Variants in RCOR1 observed in about 807,000 individuals in gnomAD.
RCOR1 encodes REST corepressor 1.
A neutral mutation model predicts 64.0 loss-of-function variants in RCOR1; 12 were observed. That is an observed-to-expected ratio of 0.19 (90% CI 0.12 to 0.30). The LOEUF (loss-of-function observed/expected upper bound fraction) is 0.30. RCOR1 is among the 10% of genes least tolerant of loss of function. RCOR1 has a pLI of 1.00. For missense variants in RCOR1, 502 were observed against 621.2 expected, an observed-to-expected ratio of 0.81 and a Z score of 2.04; for synonymous variants, 279 against 227.2, an observed-to-expected ratio of 1.23 and a Z score of -2.05.
chr14:102,598,745 G>A (rs1304066732), intron 2 of RCOR1, among the ~76,000 whole-genome samples: 1 of 152,130 alleles, frequency 6.6e-6, no homozygotes, highest in African/African-American at 2.4e-5. Context: ...GCCACGCCTG[G>A]CCCTGATTCA....
intron 2 of RCOR1, among the ~76,000 whole-genome samples, chr14:102,678,938 A>C (rs1238518657): frequency 6.6e-6 from 1 of 152,160 alleles, no homozygotes; most frequent in Non-Finnish European, 1.5e-5. Context: ...TGGCGAAGTG[A>C]CTGTTCAAAT....
chr14:102,681,277 T>C (rs577500824), intron 2 of RCOR1, among the ~76,000 whole-genome samples: 1 of 152,322 alleles, frequency 6.6e-6, no homozygotes, highest in African/African-American at 2.4e-5. Context: ...TGTGAAGGTA[T>C]GGTCACTGAA....
intron 2 of RCOR1, chr14:102,658,740 T>G: frequency 1.6e-6 from 1 of 619,988 alleles, no homozygotes; most frequent in Non-Finnish European, 2.0e-6. Context: ...CCCATTAATG[T>G]CCATTTCTGT....
At chr14:102,631,623 A>C (rs771508005) in intron 2 of RCOR1, among the ~76,000 whole-genome samples, 2 of 152,228 alleles carry the variant, frequency 1.3e-5, no homozygotes. Flanking sequence ...CATCTCTACA[A>C]CTTGGAGAAA....
At position 102,728,419 on chromosome 14, in the gene RCOR1, A is replaced by T. The variant is rs1566716922; in HGVS notation, c.*1913A>T. The T allele has an allele frequency of 6.6e-6, 1 of 152,248 alleles. No individual in the cohort carries two copies. Among genetic ancestry groups the T allele is most frequent in the Admixed American group, 6.5e-5 (1 of 15,278 alleles). The allele number at this position is 152,248 out of a possible 1,614,324, so 9.4% of individuals were successfully genotyped here. ...GTACACCGAGGGCGGCAGGAGAAGC[A>T]TGGGAAGGAGTCAGCCTAAGTTTGC... On this transcript the variant is annotated 3_prime_UTR_variant, in exon 12 of 12. Coordinates refer to ENST00000262241, the MANE Select transcript of RCOR1 (RefSeq NM_015156.4).
intron 2 of RCOR1, among the ~76,000 whole-genome samples, chr14:102,600,672 G>T (rs1462245095): frequency 1.3e-5 from 2 of 149,598 alleles, no homozygotes; most frequent in East Asian, 4.0e-4. Context: ...CTGGGTTCAC[G>T]CCATTCTCCT....
chr14:102,624,938 A>G (rs941553714), intron 2 of RCOR1, among the ~76,000 whole-genome samples: 1 of 152,036 alleles, frequency 6.6e-6, no homozygotes, highest in Non-Finnish European at 1.5e-5. Context: ...TGGCACAATC[A>G]TGGCTCAACT....
chr14:102,668,973 T>C (rs1365414144), intron 2 of RCOR1, among the ~76,000 whole-genome samples: 3 of 152,168 alleles, frequency 2.0e-5, no homozygotes, highest in Admixed American at 2.0e-4. Flanking sequence ...CAATTTAAAC[T>C]TTCAGCATTT....
chr14:102,613,463 C>T (rs1262951855), intron 2 of RCOR1, among the ~76,000 whole-genome samples: 2 of 142,074 alleles, frequency 1.4e-5, no homozygotes, highest in Admixed American at 1.4e-4. Flanking sequence ...GACGGAGTCT[C>T]GTTCTGTCGC....
intron 2 of RCOR1, among the ~76,000 whole-genome samples, chr14:102,637,864 G>T (rs892806454): frequency 1.3e-5 from 2 of 152,132 alleles, no homozygotes; most frequent in African/African-American, 4.8e-5. Flanking sequence ...CTAAGAGGGA[G>T]CATTGCTTTG....
At chr14:102,650,691 A>G (rs567774793) in intron 2 of RCOR1, among the ~76,000 whole-genome samples, 34 of 152,342 alleles carry the variant, frequency 2.2e-4, no homozygotes, top group African/African-American at 8.2e-4. Context: ...CTGATGGAGA[A>G]GCAGTACCAC....
intron 2 of RCOR1, among the ~76,000 whole-genome samples, chr14:102,619,132 A>G (rs947779924): frequency 1.6e-5 from 2 of 128,248 alleles, no homozygotes; most frequent in African/African-American, 7.3e-5. Flanking sequence ...CTGTCTTTAT[A>G]TTTTTTGAGA....
At position 102,722,320 on chromosome 14, in the gene RCOR1, G is replaced by A. The variant is rs374808506; in HGVS notation, c.1323G>A (p.Glu441=). 2.4e-5 allele frequency: 38 copies of A among 1,613,978 alleles called. No individual in the cohort carries two copies. The highest frequency in any genetic ancestry group is 3.2e-5 in the Non-Finnish European group (38 of 1,180,030). ...TAGATGAAGTTTTACAAGAATGGGA[G>A]GCAGAACATGGTAAAGAAGAGACCA... ...FNIDEVLQEW[E]AEHGKEETNG... is the part of the protein sequence containing the mutation. The change falls in exon 11 of 12, where the codon GAG becomes GAA. Residue 441 remains glutamate, a synonymous_variant. Transcript: ENST00000262241.
intron 2 of RCOR1, among the ~76,000 whole-genome samples, chr14:102,624,736 A>G (rs1893947409): frequency 6.6e-6 from 1 of 151,866 alleles, no homozygotes; most frequent in Non-Finnish European, 1.5e-5. Flanking sequence ...CCTACACTCC[A>G]GCCTGGGTGA....
chr14:102,635,106 T>A (rs1894209709), intron 2 of RCOR1, among the ~76,000 whole-genome samples: 2 of 152,066 alleles, frequency 1.3e-5, no homozygotes, highest in Non-Finnish European at 2.9e-5. Context: ...AGTGCTAGGA[T>A]TACAGGCATG....
intron 6 of RCOR1, among the ~76,000 whole-genome samples, chr14:102,710,403 A>G (rs1895933864): frequency 6.6e-6 from 1 of 152,252 alleles, no homozygotes; most frequent in Admixed American, 6.5e-5. Flanking sequence ...TTCTTTTTAA[A>G]ATTAAACATA....
chr14:102,629,451 C>T (rs549337286), intron 2 of RCOR1, among the ~76,000 whole-genome samples: 2 of 152,006 alleles, frequency 1.3e-5, no homozygotes, highest in East Asian at 3.9e-4. Context: ...CTCCCCCCCC[C>T]CCACCACTGC....
chr14:102,606,223 G>A (rs1482388536), intron 2 of RCOR1, among the ~76,000 whole-genome samples: 4 of 152,122 alleles, frequency 2.6e-5, no homozygotes, highest in Non-Finnish European at 5.9e-5. Context: ...ACCGTGCCCG[G>A]CCTAATTTTT....
chr14:102,636,569 A>C (rs939880137), intron 2 of RCOR1, among the ~76,000 whole-genome samples: 1 of 151,612 alleles, frequency 6.6e-6, no homozygotes, highest in Admixed American at 6.6e-5. Flanking sequence ...GGTGTGAGCC[A>C]CTGCGCCTGG....
Sources: gnomAD v4.1 joint callset for allele counts (sites outside exome capture counted in the v4.1 genomes callset) on GRCh38, gnomAD v4.1.1 for gene constraint, MANE v1.5 for transcripts, NCBI Gene and HGNC (gene_info 2026-07-23, HGNC 2026-07-21) for gene names.